ITGB5: variants seen among roughly 807,000 people sequenced by gnomAD.
ITGB5 encodes the protein integrin subunit beta 5.
A neutral mutation model predicts 84.8 loss-of-function variants in ITGB5; 38 were observed. The ratio of observed to expected loss-of-function variants is 0.45; its 90% CI spans 0.35 to 0.59. The LOEUF is 0.59. ITGB5 is among the 20% of genes least tolerant of loss of function. ITGB5 has a pLI of 0.01. For synonymous variants in ITGB5, 393 were observed against 414.4 expected, an observed-to-expected ratio of 0.95 and a Z score of 0.63; for missense variants, 905 against 1,034.5, an observed-to-expected ratio of 0.87 and a Z score of 1.72.
At chr3:124,817,481 T>C (rs188573011) in intron 8 of ITGB5, 140 bp downstream of exon 8, 68 of 561,836 alleles carry the variant, frequency 1.2e-4, no homozygotes, top group East Asian at 6.3e-4. Flanking sequence ...AGGAAGAAGA[T>C]ACCAAACTCA....
intron 10 of ITGB5, among the ~76,000 whole-genome samples, chr3:124,776,085 C>T (rs1045628320): frequency 3.9e-5 from 6 of 152,242 alleles, no homozygotes; most frequent in East Asian, 1.9e-4. Context: ...GCCCGGAGTC[C>T]GCTGTGGAAT....
chr3:124,810,450 G>A (rs550761670), intron 8 of ITGB5, among the ~76,000 whole-genome samples: 19 of 152,084 alleles, frequency 1.2e-4, no homozygotes, highest in Non-Finnish European at 1.8e-4. Flanking sequence ...ACGTCTGTTA[G>A]TTTAAAAAAT....
At chr3:124,849,596 A>G (rs905448324) in intron 3 of ITGB5, among the ~76,000 whole-genome samples, 1 of 152,192 alleles carries the variant, frequency 6.6e-6, no homozygotes, top group Non-Finnish European at 1.5e-5. Flanking sequence ...CTCTATCGAA[A>G]AAAGAAAACA....
chr3:124,893,701 A>T (rs1935044687), intron 1 of ITGB5, among the ~76,000 whole-genome samples: 1 of 152,182 alleles, frequency 6.6e-6, no homozygotes, highest in Non-Finnish European at 1.5e-5. Flanking sequence ...GCTAACTGGC[A>T]TATAGTAGAT....
intron 11 of ITGB5, chr3:124,769,372 A>G (rs2063810398): frequency 2.4e-6 from 1 of 425,400 alleles, no homozygotes; most frequent in South Asian, 3.3e-5. Context: ...TTCTGACACC[A>G]GGAGACAAAT....
chr3:124,835,844 C>A (rs561231594), intron 5 of ITGB5, among the ~76,000 whole-genome samples: 19 of 152,314 alleles, frequency 1.2e-4, no homozygotes, highest in Non-Finnish European at 2.9e-5. Context: ...GAAACCCTGA[C>A]AAAGTTGTGC....
intron 1 of ITGB5, among the ~76,000 whole-genome samples, chr3:124,878,238 C>T (rs1056441159): frequency 6.6e-6 from 1 of 152,270 alleles, no homozygotes; most frequent in East Asian, 1.9e-4. Flanking sequence ...GTCCAGGGCT[C>T]AGGACAATAA....
At chr3:124,865,481 C>CTTTTTTTTTTTTTTT (rs59446328) in intron 2 of ITGB5, among the ~76,000 whole-genome samples, 4 of 93,296 alleles carry the variant, frequency 4.3e-5, no homozygotes, top group Admixed American at 2.6e-4. Context: ...CGGCTTTTTT[C>CTTTTTTTTTTTTTTT]TTTTTTTTTT....
intron 14 of ITGB5, among the ~76,000 whole-genome samples, chr3:124,764,107 T>C (rs1389403460): frequency 2.6e-5 from 4 of 152,158 alleles, no homozygotes; most frequent in Admixed American, 6.5e-5. Flanking sequence ...TTCCTGTTGG[T>C]CTGTGCTCTC....
chr3:124,851,852 G>C (rs371869719), intron 3 of ITGB5, among the ~76,000 whole-genome samples: 1 of 152,136 alleles, frequency 6.6e-6, no homozygotes, highest in African/African-American at 2.4e-5. Flanking sequence ...AGATCCTGGA[G>C]GGACTGACAT....
chr3:124,879,084 C>G (rs1415873827), intron 1 of ITGB5, among the ~76,000 whole-genome samples: 1 of 152,216 alleles, frequency 6.6e-6, no homozygotes, highest in South Asian at 2.1e-4. Context: ...CAAGGAGCCA[C>G]CGCATCCGGT....
At chr3:124,876,828 C>T (rs1054464728) in intron 1 of ITGB5, among the ~76,000 whole-genome samples, 2 of 152,174 alleles carry the variant, frequency 1.3e-5, no homozygotes, top group African/African-American at 4.8e-5. Context: ...CATCCAGGGC[C>T]AAATGTGGAC....
At chr3:124,829,625 T>C (rs1219225908) in intron 5 of ITGB5, among the ~76,000 whole-genome samples, 4 of 152,162 alleles carry the variant, frequency 2.6e-5, no homozygotes, top group Non-Finnish European at 5.9e-5. Flanking sequence ...CTCCTCTCCG[T>C]CTGAAACAAA....
At chr3:124,844,205 CAAAAAAAAAAA>C (rs58956636) in intron 4 of ITGB5, among the ~76,000 whole-genome samples, 5 of 85,914 alleles carry the variant, frequency 5.8e-5, no homozygotes, top group Non-Finnish European at 1.1e-4. Context: ...TTGGTTTTGG[CAAAAAAAAAAA>C]AAAAAAAAAA....
chr3:124,822,395 G>C (rs939691609), intron 5 of ITGB5, among the ~76,000 whole-genome samples: 7 of 152,302 alleles, frequency 4.6e-5, no homozygotes, highest in South Asian at 2.1e-4. Context: ...CTGCACACTT[G>C]CTACTGAAAT....
intron 10 of ITGB5, among the ~76,000 whole-genome samples, chr3:124,776,904 T>C (rs1362071607): frequency 6.6e-6 from 1 of 151,942 alleles, no homozygotes; most frequent in Non-Finnish European, 1.5e-5. Context: ...GGGTGAGGCA[T>C]GTGTGTTAAG....
intron 2 of ITGB5, among the ~76,000 whole-genome samples, chr3:124,870,675 G>A (rs1203289587): frequency 6.1e-5 from 9 of 147,240 alleles, no homozygotes; most frequent in African/African-American, 1.8e-4. Flanking sequence ...GCAGTGAGCC[G>A]ACATCATGCC....
At chr3:124,789,323 T>G (rs1255467844) in intron 10 of ITGB5, among the ~76,000 whole-genome samples, 4 of 152,260 alleles carry the variant, frequency 2.6e-5, no homozygotes, top group African/African-American at 7.2e-5. Flanking sequence ...GGCCTTAATC[T>G]CAGGAGTGGC....
rs184181831 is a variant in ITGB5, at chr3:124,856,909, A to C, written c.361+2333T>G. Among the ~76,000 whole-genome samples, 6 of 152,274 alleles carry C rather than the reference A, an allele frequency of 3.9e-5. No individual in the cohort carries two copies. In the East Asian group the frequency reaches 1.2e-3, roughly 29 times the overall value. ...CTACCCACTCACACAGCTCTGTAAG[A>C]GTTCCCTTCCTTTTCTCTCTCAATT... On this transcript the variant is annotated intron_variant, in intron 3 of 14. Coordinates refer to ENST00000296181, the MANE Select transcript of ITGB5 (RefSeq NM_002213.5).
Sources: allele counts gnomAD v4.1 joint callset (sites outside exome capture counted in the v4.1 genomes callset), GRCh38; gene constraint gnomAD v4.1.1; transcripts MANE v1.5; gene names NCBI Gene and HGNC (gene_info 2026-07-23, HGNC 2026-07-21).